RUFY4: variants seen among roughly 807,000 people sequenced by gnomAD.
The protein encoded by RUFY4 is RUN and FYVE domain-containing protein 4.
A neutral mutation model predicts 69.0 loss-of-function variants in RUFY4; 73 were observed. The ratio of observed to expected loss-of-function variants is 1.06; its 90% CI spans 0.88 to 1.29. The LOEUF is 1.29. Among genes scored for constraint, RUFY4 ranks in the 50% most tolerant of loss-of-function variants. The pLI is 0.00. For synonymous variants in RUFY4, 287 were observed against 271.8 expected (o/e 1.06, Z -0.55); for missense variants, 770 against 705.6 (o/e 1.09, Z -1.03).
intron 2 of RUFY4, among the ~76,000 whole-genome samples, chr2:218,053,660 C>T (rs1338186546): frequency 6.6e-6 from 1 of 152,226 alleles, no homozygotes; most frequent in East Asian, 1.9e-4. Flanking sequence ...CAGGCGTCTG[C>T]CACCGCGCCC....
At chr2:218,066,868 T>A (rs1022750947), upstream of RUFY4, among the ~76,000 whole-genome samples, 5 of 152,276 alleles carry the variant, frequency 3.3e-5, no homozygotes, top group Non-Finnish European at 5.9e-5. Context: ...ATTTTCCGTT[T>A]CCTTGTTCTT....
chr2:218,077,038 G>A (rs375151258), intron 8 of RUFY4, among the ~76,000 whole-genome samples: 165 of 152,254 alleles, frequency 1.1e-3, no homozygotes, highest in East Asian at 1.7e-3. Context: ...GTGCTTCTGC[G>A]TAACACCCTT....
chr2:218,039,632 G>A (rs75860371), intron 2 of RUFY4, among the ~76,000 whole-genome samples: 179 of 152,280 alleles, frequency 1.2e-3, no homozygotes, highest in African/African-American at 4.2e-3. Context: ...GCTGCTGGGG[G>A]AAGCTAAGGC....
At chr2:218,089,674 T>C (rs1689983798) in intron 10 of RUFY4, 1 of 703,026 alleles carries the variant, frequency 1.4e-6, no homozygotes, top group Admixed American at 2.0e-5. Flanking sequence ...CCCTCCTTCC[T>C]CTGTGAGCAC....
intron 2 of RUFY4, among the ~76,000 whole-genome samples, chr2:218,055,010 T>C (rs1450692703): frequency 2.0e-5 from 3 of 152,228 alleles, no homozygotes; most frequent in Non-Finnish European, 4.4e-5. Flanking sequence ...GATGAAGTTA[T>C]CATATTTTAA....
chr2:218,073,556 G>A (rs1689548408), intron 5 of RUFY4, among the ~76,000 whole-genome samples, 170 bp downstream of exon 7: 1 of 152,154 alleles, frequency 6.6e-6, no homozygotes. Flanking sequence ...GCAAATTCAT[G>A]GCATAATGCT....
rs954465785 is a variant in RUFY4 at position 218,045,946 on chromosome 2, A to G, written c.-1158+10552A>G. ...CAGCCTCCCGAGTAGCTGGGACTAC[A>G]GGCTCCCGCCATGGCGCCCGGCTAA... On this transcript the variant is annotated intron_variant and NMD_transcript_variant, in intron 2 of 13. Transcript: ENST00000457754. Among the ~76,000 whole-genome samples, 10 of 152,176 alleles carry G rather than the reference A, an allele frequency of 6.6e-5. No individual in the cohort carries two copies. In the South Asian group the frequency reaches 2.1e-3, roughly 32 times the overall value.
intron 1 of RUFY4, chr2:218,035,266 G>A (rs1452971586): frequency 6.6e-6 from 1 of 152,154 alleles, no homozygotes; most frequent in Non-Finnish European, 1.5e-5. Context: ...ATGCCTGGCA[G>A]AGACGAGGGA....
chr2:218,089,205 T>G, intron 9 of RUFY4, 47 bp from the exon 12 acceptor site: 1 of 1,472,030 alleles, frequency 6.8e-7, no homozygotes, highest in Non-Finnish European at 9.4e-7. Context: ...TTCTATCTTT[T>G]GATCTCTGTC....
chr2:218,071,859 C>T (rs1689495698), intron 2 of RUFY4, among the ~76,000 whole-genome samples: 1 of 152,208 alleles, frequency 6.6e-6, no homozygotes, highest in Non-Finnish European at 1.5e-5. Context: ...CCCTGCTCCC[C>T]ACACACAGGC....
chr2:218,071,821 G>A (rs1689494522), intron 2 of RUFY4, among the ~76,000 whole-genome samples: 1 of 152,164 alleles, frequency 6.6e-6, no homozygotes, highest in Non-Finnish European at 1.5e-5. Flanking sequence ...GATCCCCCTG[G>A]AGAGAAAGGC....
rs570397613 is a variant in RUFY4 at position 218,088,968 on chromosome 2, C to CT, written c.1503-284_1503-283insT. ...CTCCCTCTTTCCCCTTCTCTCCACC[C>CT]CTCTCTCTCTCTCTGAGTAACCATC... On this transcript the variant is annotated intron_variant, in intron 9 of 10. Transcript: ENST00000344321. Among the ~76,000 whole-genome samples the CT allele has an allele frequency of 7.3e-5, 11 of 149,716 alleles. No individual in the cohort carries two copies. In the South Asian group the frequency reaches 2.3e-3, roughly 32 times the overall value.
At chr2:218,070,971 G>T in intron 2 of RUFY4, 112 bp downstream of exon 4, 1 of 751,286 alleles carries the variant, frequency 1.3e-6, no homozygotes, top group South Asian at 1.8e-5. Context: ...CATGCACTGT[G>T]TCATCTCCCT....
intron 6 of RUFY4, among the ~76,000 whole-genome samples, 172 bp from the exon 9 acceptor site, chr2:218,074,921 G>A (rs1212621418): frequency 1.3e-5 from 2 of 152,276 alleles, no homozygotes; most frequent in Admixed American, 1.3e-4. Flanking sequence ...CAGATCACCT[G>A]GGTGTTGCTA....
chr2:218,083,670 C>A (rs1689822289), intron 9 of RUFY4, among the ~76,000 whole-genome samples: 2 of 151,962 alleles, frequency 1.3e-5, no homozygotes, highest in African/African-American at 4.8e-5. Context: ...ATCACTTGAA[C>A]CTGGGAGGCA....
At chr2:218,071,430 C>T (rs140480768) in intron 2 of RUFY4, among the ~76,000 whole-genome samples, 1 of 152,232 alleles carries the variant, frequency 6.6e-6, no homozygotes, top group Non-Finnish European at 1.5e-5. Flanking sequence ...GGCCTTTGCT[C>T]GGGCTCTCCC....
At chr2:218,037,843 A>G (rs1287839623) in intron 2 of RUFY4, among the ~76,000 whole-genome samples, 1 of 152,246 alleles carries the variant, frequency 6.6e-6, no homozygotes, top group Non-Finnish European at 1.5e-5. Flanking sequence ...GAATTCTGGA[A>G]GGATCCTATG....
chr2:218,048,232 T>C (rs145262667), intron 2 of RUFY4, among the ~76,000 whole-genome samples: 367 of 152,332 alleles, frequency 2.4e-3, no homozygotes, highest in Non-Finnish European at 3.8e-3. Context: ...GCTGACCACA[T>C]GTATGTCTCC....
At chr2:218,049,439 A>G (rs1688896497) in intron 2 of RUFY4, among the ~76,000 whole-genome samples, 1 of 152,042 alleles carries the variant, frequency 6.6e-6, no homozygotes, top group Non-Finnish European at 1.5e-5. Context: ...GTTTCCACTA[A>G]GAAGTCTGCT....
Sources: gnomAD v4.1 joint callset for allele counts (sites outside exome capture counted in the v4.1 genomes callset) on GRCh38, gnomAD v4.1.1 for gene constraint, MANE v1.5 for transcripts, NCBI Gene and HGNC (gene_info 2026-07-23, HGNC 2026-07-21) for gene names.